Variants in NBPF14 observed in about 807,000 individuals in gnomAD.
NBPF14 encodes the protein NBPF member 14.
A neutral mutation model predicts 91.2 loss-of-function variants in NBPF14; 104 were observed. That is an observed-to-expected ratio of 1.14 (90% CI 0.97 to 1.34). The LOEUF is 1.34. Among genes scored for constraint, NBPF14 ranks in the 40% most tolerant of loss-of-function variants. The pLI is 0.00. For missense variants in NBPF14, 908 were observed against 783.0 expected (o/e 1.16, Z -1.91); for synonymous variants, 294 against 303.8 (o/e 0.97, Z 0.34).
chr1:148,533,366 T>C (rs1271355366), intron 70 of NBPF14, 118 bp from the exon 71 acceptor site: 15 of 548,372 alleles, frequency 2.7e-5, no homozygotes, highest in Non-Finnish European at 4.8e-5. Context: ...ATAGAACCAT[T>C]AATGAGGTAA....
rs1248680014 is a variant in NBPF14 at position 148,559,485 on chromosome 1, A to G, written c.4729+308T>C. Among the ~76,000 whole-genome samples the G allele has an allele frequency of 2.9e-4, 37 of 127,934 alleles. 3 individuals are homozygous for G. Among genetic ancestry groups the G allele is most frequent in the Middle Eastern group, 3.8e-3 (1 of 262 alleles). 83.9% of individuals were successfully genotyped at this position (127,934 alleles called of 152,430 possible). On this transcript the variant is annotated intron_variant, in intron 37 of 70. Coordinates refer to ENST00000619423, the Ensembl canonical transcript of NBPF14. ...AATTAGAGTGAAGGATGAAATCTAC[A>G]AGATCTACAAAATTGAGACAAAATC...
At chr1:148,557,687 A>G in intron 39 of NBPF14, 145 bp from the exon 40 acceptor site, 1 of 622,916 alleles carries the variant, frequency 1.6e-6, no homozygotes, top group Non-Finnish European at 2.8e-6. Flanking sequence ...GGAGGCCTGA[A>G]AGCTGGTCAT....
chr1:148,535,944 A>G (rs1655101717), intron 67 of NBPF14, among the ~76,000 whole-genome samples: 2 of 150,602 alleles, frequency 1.3e-5, no homozygotes, highest in South Asian at 2.1e-4. Flanking sequence ...ACAAAATCAG[A>G]GTTGTGTGAA....
chr1:148,538,223 C>T (rs1341298934), intron 64 of NBPF14, among the ~76,000 whole-genome samples: 1 of 72,126 alleles, frequency 1.4e-5, no homozygotes, highest in African/African-American at 6.5e-5. Context: ...CACACACACA[C>T]ACACACACAC....
At position 148,559,897 on chromosome 1, in the gene NBPF14, G is replaced by C. The variant is rs1178947289; in HGVS notation, c.4625C>G (p.Ser1542Ter). The C allele has an allele frequency of 2.3e-6, 3 of 1,277,266 alleles. No individual in the cohort carries two copies. Among genetic ancestry groups the C allele is most frequent in the Non-Finnish European group, 3.3e-6 (3 of 911,644 alleles). The allele number at this position is 1,277,266 out of a possible 1,614,324, so 79.1% of individuals were successfully genotyped here. ...CAGTTCAAGACAACCTGAAGGAGTT[G>C]AATAACATCTATCCAGTGAGTCCTG... Residue 1542 changes from serine to a stop codon, truncating the protein, a stop_gained, in exon 37 of 71, where the codon TCA becomes TGA. Coordinates refer to ENST00000619423, the Ensembl canonical transcript of NBPF14. LOFTEE classifies it high-confidence loss of function.
At chr1:148,578,846 G>T (rs1660480561) in intron 13 of NBPF14, among the ~76,000 whole-genome samples, 1 of 149,594 alleles carries the variant, frequency 6.7e-6, no homozygotes. Flanking sequence ...AGTCAGTCCA[G>T]GTTGGCATGG....
intron 59 of NBPF14, among the ~76,000 whole-genome samples, chr1:148,542,171 G>C (rs1457023508): frequency 7.7e-5 from 8 of 104,104 alleles, no homozygotes; most frequent in Non-Finnish European, 1.4e-4. Context: ...GCAATATTTA[G>C]CCCTGTCTCA....
chr1:148,539,405 C>T lies in NBPF14; in HGVS notation c.7882+5G>A. Reference sequence around the variant, plus strand: ...GGCTTATCACCTTCACAGTAAGGTACTCACTGTCCACGTCAAGAGCCAAGC... The same window carrying T: ...GGCTTATCACCTTCACAGTAAGGTATTCACTGTCCACGTCAAGAGCCAAGC... On this transcript the variant is annotated splice_donor_5th_base_variant and intron_variant, in intron 63 of 70. Coordinates refer to ENST00000619423, the Ensembl canonical transcript of NBPF14. 2.7e-6 allele frequency: 1 copy of T among 374,384 alleles called. No homozygotes were observed. Among genetic ancestry groups the T allele is most frequent in the South Asian group, 2.2e-5 (1 of 45,622 alleles). 23.2% of individuals were successfully genotyped at this position (374,384 alleles called of 1,614,324 possible). A position where few individuals can be genotyped will look rare whatever the true frequency, so the allele number is the denominator to read the frequency against.
chr1:148,561,776 G>GACACACACACACAC (rs1179446616), intron 34 of NBPF14, among the ~76,000 whole-genome samples, 197 bp from the exon 35 acceptor site: 1 of 114,314 alleles, frequency 8.7e-6, no homozygotes, highest in Non-Finnish European at 1.6e-5. Flanking sequence ...AAGACAGATA[G>GACACACACACACAC]ACACACACAC....
At chr1:148,594,047 G>A (rs1662921815) in intron 2 of NBPF14, among the ~76,000 whole-genome samples, 1 of 148,072 alleles carries the variant, frequency 6.8e-6, no homozygotes, top group Non-Finnish European at 1.5e-5. Context: ...ACTGCACTGG[G>A]GCATGAAGTA....
chr1:148,535,977 A>C (rs1219385981), intron 67 of NBPF14, among the ~76,000 whole-genome samples: 113 of 147,068 alleles, frequency 7.7e-4, no homozygotes, highest in African/African-American at 2.6e-3. Flanking sequence ...GCCCAGATCC[A>C]ACATCTTGAG....
chr1:148,553,430 G>A lies in NBPF14; in HGVS notation c.5686+110C>T. On this transcript the variant is annotated intron_variant, in intron 45 of 70. Transcript: ENST00000619423. ...CAACCTATATGCGCCCATAGGTCCTGCCTGCAGCAATGACGTCTCTCGGGT... is the reference window on the plus strand; with the variant it reads ...CAACCTATATGCGCCCATAGGTCCTACCTGCAGCAATGACGTCTCTCGGGT... 2 of 153,370 alleles carry A rather than the reference G, an allele frequency of 1.3e-5. 1 individual carries two copies. Among genetic ancestry groups the A allele is most frequent in the South Asian group, 1.3e-4 (2 of 15,932 alleles). The allele number at this position is 153,370 out of a possible 1,614,324, so 9.5% of individuals were successfully genotyped here. A position where few individuals can be genotyped will look rare whatever the true frequency, so the allele number is the denominator to read the frequency against.
At chr1:148,594,383 A>C (rs1174972096) in intron 2 of NBPF14, among the ~76,000 whole-genome samples, 5 of 133,270 alleles carry the variant, frequency 3.8e-5, no homozygotes, top group Non-Finnish European at 7.8e-5. Flanking sequence ...GATAGTGTTT[A>C]CACTGTGCCA....
intron 12 of NBPF14, among the ~76,000 whole-genome samples, chr1:148,579,717 C>T (rs1660606156): frequency 1.3e-5 from 2 of 151,734 alleles, no homozygotes; most frequent in African/African-American, 2.4e-5. Flanking sequence ...CAACATACTA[C>T]CAACAAATAG....
At position 148,566,374 on chromosome 1, in the gene NBPF14, C is replaced by G; in HGVS notation, c.3543-59G>C. 5.4e-6 allele frequency: 4 copies of G among 746,772 alleles called. No homozygotes were observed. The Admixed American group carries it at 7.1e-5, about 13-fold the overall frequency. The allele number at this position is 746,772 out of a possible 1,614,324, so 46.3% of individuals were successfully genotyped here. A position where few individuals can be genotyped will look rare whatever the true frequency, so the allele number is the denominator to read the frequency against. On this transcript the variant is annotated intron_variant, in intron 28 of 70. Coordinates refer to ENST00000619423, the Ensembl canonical transcript of NBPF14. ...GGGGAAATCAGACACAACAGAGCCTCAACTAGGTTTCATGGGTAGCATAGG... is the reference window on the plus strand; with the variant it reads ...GGGGAAATCAGACACAACAGAGCCTGAACTAGGTTTCATGGGTAGCATAGG...
intron 9 of NBPF14, 78 bp downstream of exon 9, chr1:148,586,175 CTG>C (rs1475968346): frequency 2.2e-4 from 133 of 595,062 alleles, no homozygotes; most frequent in Middle Eastern, 1.4e-3. Flanking sequence ...ATTGATACAA[CTG>C]TCATTGTGAA....
intron 8 of NBPF14, among the ~76,000 whole-genome samples, chr1:148,586,774 C>T (rs1245808029): frequency 3.5e-5 from 5 of 142,380 alleles, no homozygotes; most frequent in Admixed American, 7.2e-5. Context: ...CTCACTCTGG[C>T]CATGGACATT....
At chr1:148,559,823 G>C in exon 37 of NBPF14, 1 of 1,535,514 alleles carries the variant, frequency 6.5e-7, no homozygotes, top group Non-Finnish European at 8.7e-7. Flanking sequence ...CCAACACGCT[G>C]CTGCTCCAAT....
At chr1:148,538,193 AAGAC>A (rs1655332522) in intron 64 of NBPF14, among the ~76,000 whole-genome samples, 187 bp from the exon 65 acceptor site, 2 of 50,818 alleles carry the variant, frequency 3.9e-5, no homozygotes, top group African/African-American at 1.7e-4. Flanking sequence ...ATGAAAGAGA[AAGAC>A]AGATAGACAC....
Sources: allele counts gnomAD v4.1 joint callset (sites outside exome capture counted in the v4.1 genomes callset), GRCh38; gene constraint gnomAD v4.1.1; transcripts MANE v1.5; gene names NCBI Gene and HGNC (gene_info 2026-07-23, HGNC 2026-07-21).